KATNBL1: variants seen among roughly 807,000 people sequenced by gnomAD.
KATNBL1 encodes KATNB1-like protein 1.
A neutral mutation model predicts 44.7 loss-of-function variants in KATNBL1; 28 were observed. That is an observed-to-expected ratio of 0.63 (90% CI 0.46 to 0.86). The LOEUF is 0.86. KATNBL1 is among the 40% of genes least tolerant of loss of function. KATNBL1 has a pLI of 0.00. For synonymous variants in KATNBL1, 78 were observed against 114.9 expected, an observed-to-expected ratio of 0.68 and a Z score of 2.06; for missense variants, 272 against 350.7, an observed-to-expected ratio of 0.78 and a Z score of 1.79.
chr15:34,169,447 A>G (rs755854897), intron 1 of KATNBL1, among the ~76,000 whole-genome samples: 2 of 152,226 alleles, frequency 1.3e-5, no homozygotes, highest in African/African-American at 2.4e-5. Context: ...GGCAATAATT[A>G]ATAGCCTACC....
intron 1 of KATNBL1, among the ~76,000 whole-genome samples, chr15:34,173,680 G>A (rs964540517): frequency 2.6e-5 from 4 of 152,076 alleles, no homozygotes; most frequent in Admixed American, 6.5e-5. Context: ...GGTATACATC[G>A]GAGCACATAA....
At chr15:34,202,464 C>T (rs540097797) in intron 1 of KATNBL1, among the ~76,000 whole-genome samples, 815 of 51,082 alleles carry the variant, frequency 0.016, 7 homozygotes, top group African/African-American at 0.032. Flanking sequence ...GTTCTTAAAC[C>T]TTTATGTTCC....
chr15:34,170,713 C>T (rs1889132076), intron 1 of KATNBL1, among the ~76,000 whole-genome samples: 1 of 152,180 alleles, frequency 6.6e-6, no homozygotes, highest in Non-Finnish European at 1.5e-5. Context: ...GTAACGAAAA[C>T]AGCATGGTAC....
intron 1 of KATNBL1, among the ~76,000 whole-genome samples, chr15:34,180,223 TTC>T (rs754888861): frequency 6.6e-6 from 1 of 152,170 alleles, no homozygotes; most frequent in South Asian, 2.1e-4. Context: ...AGCTTCCATT[TTC>T]TCTTTAACTC....
intron 1 of KATNBL1, among the ~76,000 whole-genome samples, chr15:34,202,808 C>T (rs751944257): frequency 3.3e-5 from 5 of 151,952 alleles, no homozygotes; most frequent in South Asian, 4.1e-4. Context: ...CTGGCTAATA[C>T]GGTGAAAACC....
At position 34,146,911 on chromosome 15, in the gene KATNBL1, G is replaced by A. The variant is rs1353154386; in HGVS notation, c.699-61C>T. The A allele has an allele frequency of 1.0e-5, 11 of 1,060,792 alleles. No individual in the cohort carries two copies. In the East Asian group the frequency reaches 2.6e-4, roughly 25 times the overall value. The allele number at this position is 1,060,792 out of a possible 1,614,324, so 65.7% of individuals were successfully genotyped here. ...TCATCTAAGAACCCTTCTTATAAAA[G>A]ATGATACTTTCCCTCCCAAAAAACA... On this transcript the variant is annotated intron_variant, in intron 7 of 9. Transcript: ENST00000256544.
intron 1 of KATNBL1, among the ~76,000 whole-genome samples, chr15:34,187,182 G>A (rs1889741660): frequency 1.3e-5 from 2 of 152,220 alleles, no homozygotes; most frequent in Non-Finnish European, 2.9e-5. Context: ...CGACCAGGCG[G>A]AAGAGAGAAG....
At chr15:34,204,853 T>C (rs1890252598) in intron 1 of KATNBL1, among the ~76,000 whole-genome samples, 2 of 152,352 alleles carry the variant, frequency 1.3e-5, no homozygotes, top group South Asian at 4.1e-4. Context: ...CCCTGAATGC[T>C]AGGTCAGGAA....
intron 4 of KATNBL1, 120 bp downstream of exon 4, chr15:34,152,670 C>T (rs1888516720): frequency 2.6e-6 from 2 of 771,932 alleles, no homozygotes; most frequent in Non-Finnish European, 4.2e-6. Context: ...TACTATGACT[C>T]AAATAAGTCT....
At chr15:34,159,475 T>G (rs532621503) in intron 2 of KATNBL1, among the ~76,000 whole-genome samples, 9 of 152,312 alleles carry the variant, frequency 5.9e-5, no homozygotes, top group African/African-American at 2.2e-4. Context: ...TATTGGAGTG[T>G]TATAGGGAGA....
At chr15:34,178,526 G>A (rs1340115487) in intron 1 of KATNBL1, among the ~76,000 whole-genome samples, 1 of 152,126 alleles carries the variant, frequency 6.6e-6, no homozygotes, top group Non-Finnish European at 1.5e-5. Flanking sequence ...GGGAGGCCAA[G>A]GAGGGCAGAT....
chr15:34,182,824 G>GT, intron 1 of KATNBL1, among the ~76,000 whole-genome samples: 1 of 152,128 alleles, frequency 6.6e-6, no homozygotes, highest in East Asian at 1.9e-4. Context: ...AAAAATATCA[G>GT]TGATTGCCAG....
intron 9 of KATNBL1, 75 bp downstream of exon 9, chr15:34,145,323 T>G: frequency 7.6e-7 from 1 of 1,316,230 alleles, no homozygotes; most frequent in East Asian, 3.1e-5. Flanking sequence ...CCTAGAGACT[T>G]GAAAATTAAT....
chr15:34,210,044 T>A lies in KATNBL1; in HGVS notation c.-108A>T, dbSNP rs1890398779. On this transcript the variant is annotated 5_prime_UTR_variant, in exon 1 of 10. Transcript: ENST00000256544. Reference sequence around the variant, plus strand: ...AGAGTCCCTCGGCTTCTGGGCCGAGTCCCACTCAGGGCCATTCAAACGCGG... The same window carrying A: ...AGAGTCCCTCGGCTTCTGGGCCGAGACCCACTCAGGGCCATTCAAACGCGG... 1 of 146,086 alleles carries A rather than the reference T, an allele frequency of 6.8e-6. No individual in the cohort carries two copies. The highest frequency in any genetic ancestry group is 2.5e-5 in the African/African-American group (1 of 40,054). The allele number at this position is 146,086 out of a possible 1,614,324, so 9.0% of individuals were successfully genotyped here. A position where few individuals can be genotyped will look rare whatever the true frequency, so the allele number is the denominator to read the frequency against.
intron 2 of KATNBL1, among the ~76,000 whole-genome samples, chr15:34,161,117 G>T (rs568905834): frequency 5.3e-5 from 8 of 152,214 alleles, no homozygotes; most frequent in African/African-American, 1.7e-4. Context: ...CTCAACACTC[G>T]CTTTGCACTC....
In KATNBL1 at chr15:34,146,965, A is replaced by C. The variant is rs1379203414; in HGVS notation, c.699-115T>G. 1.1e-4 allele frequency: 76 copies of C among 705,202 alleles called. No individual in the cohort carries two copies. The East Asian group carries it at 1.2e-3, about 11-fold the overall frequency. The allele number at this position is 705,202 out of a possible 1,614,324, so 43.7% of individuals were successfully genotyped here. A position where few individuals can be genotyped will look rare whatever the true frequency, so the allele number is the denominator to read the frequency against. On this transcript the variant is annotated intron_variant, in intron 7 of 9. Transcript: ENST00000256544. ...ACACACATTGGTCCCTTCCCTTTTA[A>C]AAAATTGTTACCTTCATGATCTATT... is the stretch of plus-strand genomic sequence containing the variant.
rs528796554 is a variant in KATNBL1 at position 34,145,599 on chromosome 15, T to C, written c.789-108A>G. ...TGTTCTAAAATTTTTCAGGTATTTTTCAGGAGAAAATGATGCTATTTGAAA... is the reference window on the plus strand; with the variant it reads ...TGTTCTAAAATTTTTCAGGTATTTTCCAGGAGAAAATGATGCTATTTGAAA... On this transcript the variant is annotated intron_variant, in intron 8 of 9. Transcript: ENST00000256544. 897 of 1,015,818 alleles carry C rather than the reference T, an allele frequency of 8.8e-4. 8 individuals carry two copies. The African/African-American group carries it at 0.014, about 16-fold the overall frequency. 62.9% of individuals were successfully genotyped at this position (1,015,818 alleles called of 1,614,324 possible). A position where few individuals can be genotyped will look rare whatever the true frequency, so the allele number is the denominator to read the frequency against.
At chr15:34,152,453 C>T (rs185559428) in intron 4 of KATNBL1, among the ~76,000 whole-genome samples, 53 of 152,306 alleles carry the variant, frequency 3.5e-4, no homozygotes, top group African/African-American at 1.2e-3. Flanking sequence ...CCACCCACCT[C>T]GGGCTCCAGG....
At chr15:34,149,153 A>C (rs1454343637) in intron 4 of KATNBL1, among the ~76,000 whole-genome samples, 4 of 152,234 alleles carry the variant, frequency 2.6e-5, no homozygotes, top group Non-Finnish European at 4.4e-5. Flanking sequence ...TTTATTGTTA[A>C]GTAATGAAGT....
Sources: allele counts gnomAD v4.1 joint callset (sites outside exome capture counted in the v4.1 genomes callset), GRCh38; gene constraint gnomAD v4.1.1; transcripts MANE v1.5; gene names NCBI Gene and HGNC (gene_info 2026-07-23, HGNC 2026-07-21).